The following PIP5K1C variants were observed in gnomAD, a reference collection of about 807,000 sequenced individuals.
PIP5K1C encodes phosphatidylinositol 4-phosphate 5-kinase type-1 gamma.
In PIP5K1C, 45 loss-of-function variants were observed where a neutral mutation model predicts 80.1. The ratio of observed to expected loss-of-function variants is 0.56; its 90% CI spans 0.44 to 0.72. PIP5K1C has a LOEUF of 0.72. Ranked by LOEUF, PIP5K1C falls within the 30% of genes least tolerant of loss-of-function variation. The pLI is 0.00. For missense variants in PIP5K1C, 753 were observed against 954.6 expected, an observed-to-expected ratio of 0.79 and a Z score of 2.78; for synonymous variants, 498 against 420.1, an observed-to-expected ratio of 1.19 and a Z score of -2.27.
At chr19:3,697,905 C>T (rs192463582) in intron 1 of PIP5K1C, among the ~76,000 whole-genome samples, 107 of 152,352 alleles carry the variant, frequency 7.0e-4, no homozygotes, top group African/African-American at 2.5e-3. Flanking sequence ...CCCATGGAGA[C>T]GCCATTCAGG....
Position 3,692,547 on chromosome 19 carries a change from A to G in PIP5K1C, c.94+7750T>C, listed in dbSNP as rs2035979977. Reference sequence around the variant, plus strand: ...CCTGCTGGCTCTGCTTCCAAAATCCATCCCAGATGGCGCACTGCTCATGGT... The same window carrying G: ...CCTGCTGGCTCTGCTTCCAAAATCCGTCCCAGATGGCGCACTGCTCATGGT... On this transcript the variant is annotated intron_variant, in intron 1 of 17. Coordinates refer to ENST00000335312, the MANE Select transcript of PIP5K1C (RefSeq NM_012398.3). The surrounding 1 kb of genome is among the most constrained non-coding windows in gnomAD (Gnocchi z 5.2). Among the ~76,000 whole-genome samples the G allele has an allele frequency of 5.9e-5, 9 of 151,970 alleles. No individual in the cohort carries two copies. Among genetic ancestry groups the G allele is most frequent in the Admixed American group, 5.2e-4 (8 of 15,270 alleles).
At chr19:3,647,961 A>G (rs2034298980) in intron 9 of PIP5K1C, among the ~76,000 whole-genome samples, 1 of 152,210 alleles carries the variant, frequency 6.6e-6, no homozygotes. Flanking sequence ...CAAACAAATG[A>G]AAAACCAAAA....
chr19:3,669,164 G>A (rs929388560), intron 1 of PIP5K1C, among the ~76,000 whole-genome samples: 1 of 152,224 alleles, frequency 6.6e-6, no homozygotes, highest in African/African-American at 2.4e-5. Context: ...GCAGCTGGGG[G>A]TGCTGGGGCA....
chr19:3,636,633 C>T (rs972613241), intron 16 of PIP5K1C: 41 of 985,592 alleles, frequency 4.2e-5, no homozygotes, highest in Admixed American at 6.1e-5. Context: ...GCTGGCTTCC[C>T]GCTGGCTCCG....
rs1007686817 is a variant in PIP5K1C at position 3,642,887 on chromosome 19, G to A, written c.1682+20C>T. On this transcript the variant is annotated intron_variant, in intron 14 of 17. Transcript: ENST00000335312. ...GGAGGAGCTGGTGAGACCCAGGGAAGGAAGGGGGTTGGGTCTCACCTGCCA... is the reference window on the plus strand; with the variant it reads ...GGAGGAGCTGGTGAGACCCAGGGAAAGAAGGGGGTTGGGTCTCACCTGCCA... The A allele has an allele frequency of 6.2e-7, 1 of 1,608,718 alleles. No individual in the cohort carries two copies. Among genetic ancestry groups the A allele is most frequent in the South Asian group, 1.1e-5 (1 of 90,972 alleles).
chr19:3,637,819 G>A lies in PIP5K1C; in HGVS notation c.1920+1065C>T. ...TCCCTTCTCTGCTGCCCACCTGGCA[G>A]GGCATCAGGACACAGACACACAGCA... On this transcript the variant is annotated intron_variant, in intron 16 of 17. Coordinates refer to ENST00000335312, the MANE Select transcript of PIP5K1C (RefSeq NM_012398.3). The surrounding 1 kb of genome is among the most constrained non-coding windows in gnomAD (Gnocchi z 7.0). 1 of 1,535,186 alleles carries A rather than the reference G, an allele frequency of 6.5e-7. No homozygotes were observed. Among genetic ancestry groups the A allele is most frequent in the Non-Finnish European group, 8.7e-7 (1 of 1,146,666 alleles).
At position 3,630,338 on chromosome 19, in the gene PIP5K1C, CCCT is replaced by C. The variant is rs1488679993; in HGVS notation, c.*2826_*2828del. 6.6e-6 allele frequency: 1 copy of C among 152,476 alleles called. No individual in the cohort carries two copies. Among genetic ancestry groups the C allele is most frequent in the Non-Finnish European group, 1.5e-5 (1 of 68,022 alleles). 9.4% of individuals were successfully genotyped at this position (152,476 alleles called of 1,614,324 possible). On this transcript the variant is annotated 3_prime_UTR_variant, in exon 18 of 18. Transcript: ENST00000335312. Reference sequence around the variant, plus strand: ...CACTCTGGGTTTGAGGGACACAGCACCCTCGTCTCGGCGCTTTGGATTGTCACG... The same window carrying C: ...CACTCTGGGTTTGAGGGACACAGCACCGTCTCGGCGCTTTGGATTGTCACG...
intron 15 of PIP5K1C, 123 bp from the exon 16 acceptor site, chr19:3,639,139 C>T (rs2033846688): frequency 4.2e-6 from 5 of 1,200,096 alleles, no homozygotes; most frequent in East Asian, 2.4e-5. Context: ...AGCCAGGCAG[C>T]TGACCACAGG....
chr19:3,699,484 C>A (rs1390894634), intron 1 of PIP5K1C, among the ~76,000 whole-genome samples: 2 of 152,182 alleles, frequency 1.3e-5, no homozygotes, highest in African/African-American at 2.4e-5. Flanking sequence ...AGGACGGATG[C>A]CCGTGTGGGT....
At position 3,633,011 on chromosome 19, in the gene PIP5K1C, C is replaced by A; in HGVS notation, c.*156G>T. On this transcript the variant is annotated 3_prime_UTR_variant, in exon 18 of 18. Transcript: ENST00000335312. ...CCCTGGGAGGCTTGTCGGGGAGGGG[C>A]CCGGCCGTCGGCATCCGTGCAGGGG... is the stretch of plus-strand genomic sequence containing the variant. 1.8e-6 allele frequency: 1 copy of A among 547,660 alleles called. No homozygotes were observed. Among genetic ancestry groups the A allele is most frequent in the Admixed American group, 3.1e-5 (1 of 32,434 alleles). The allele number at this position is 547,660 out of a possible 1,614,324, so 33.9% of individuals were successfully genotyped here. A position where few individuals can be genotyped will look rare whatever the true frequency, so the allele number is the denominator to read the frequency against.
intron 5 of PIP5K1C, among the ~76,000 whole-genome samples, chr19:3,660,129 CCAGCACTACGGGAGGCTGAGA>C (rs1317977356): frequency 6.6e-6 from 1 of 152,150 alleles, no homozygotes; most frequent in Non-Finnish European, 1.5e-5. Context: ...GCCTCTAATC[CCAGCACTACGGGAGGCTGAGA>C]CAGGCAGATC....
At chr19:3,678,019 AGAGACGGAG>A (rs2035434407) in intron 1 of PIP5K1C, among the ~76,000 whole-genome samples, 2 of 84,350 alleles carry the variant, frequency 2.4e-5, no homozygotes, top group South Asian at 4.1e-4. Flanking sequence ...GGAGGGATGG[AGAGACGGAG>A]GGATGGAGAA....
chr19:3,678,074 AGGAGAAT>A (rs1244507545), intron 1 of PIP5K1C, among the ~76,000 whole-genome samples: 14 of 81,940 alleles, frequency 1.7e-4, no homozygotes, highest in South Asian at 5.4e-4. Flanking sequence ...GAGAGATGGA[AGGAGAAT>A]GGAGGATGGA....
intron 3 of PIP5K1C, among the ~76,000 whole-genome samples, chr19:3,663,162 G>A (rs912391714): frequency 3.3e-5 from 5 of 152,108 alleles, no homozygotes; most frequent in African/African-American, 9.7e-5. Flanking sequence ...CTCCGCGCCC[G>A]GCCGGCTGCT....
chr19:3,678,614 G>A (rs561123043), intron 1 of PIP5K1C, among the ~76,000 whole-genome samples: 1 of 136,234 alleles, frequency 7.3e-6, no homozygotes, highest in African/African-American at 2.8e-5. Context: ...AGGGGTGGAA[G>A]GAGGGATGGA....
rs551349475 is a variant in PIP5K1C, at chr19:3,696,959, G to C, written c.94+3338C>G. Among the ~76,000 whole-genome samples, 1 of 152,168 alleles carries C rather than the reference G, an allele frequency of 6.6e-6. No homozygotes were observed. Among genetic ancestry groups the C allele is most frequent in the Non-Finnish European group, 1.5e-5 (1 of 68,018 alleles). On this transcript the variant is annotated intron_variant, in intron 1 of 17. Transcript: ENST00000335312. This position sits in a 1 kb window ranked among gnomAD's most constrained non-coding sequence, Gnocchi z 4.1. ...GCCAGGCCTGGCTCAGGGGGCAAAG[G>C]AGGACTGAGCTGGACCGAGGAGGAC...
In PIP5K1C at chr19:3,633,427, C is replaced by A; in HGVS notation, c.2004+10G>T. The A allele has an allele frequency of 6.8e-7, 1 of 1,479,038 alleles. No homozygotes were observed. The highest frequency in any genetic ancestry group is 2.1e-4 in the Middle Eastern group (1 of 4,850). 91.6% of individuals were successfully genotyped at this position (1,479,038 alleles called of 1,614,324 possible). ...CACGGGACCGGCGGGTGCACCTGGGCTGCACTTACTGTGTCGCTCTCGCCG... is the reference window on the plus strand; with the variant it reads ...CACGGGACCGGCGGGTGCACCTGGGATGCACTTACTGTGTCGCTCTCGCCG... On this transcript the variant is annotated intron_variant, in intron 17 of 17. Transcript: ENST00000335312.
rs764142648 is a variant in PIP5K1C, at chr19:3,661,859, G to A, written c.350+12C>T. ...GCTGGGTGAGCCCTGAGGCTCCGGG[G>A]GCCCGGCCCACCTGGGGAAGAAGAT... On this transcript the variant is annotated intron_variant, in intron 4 of 17. Coordinates refer to ENST00000335312, the MANE Select transcript of PIP5K1C (RefSeq NM_012398.3). The A allele has an allele frequency of 2.5e-6, 4 of 1,610,744 alleles. No individual in the cohort carries two copies. Among genetic ancestry groups the A allele is most frequent in the East Asian group, 2.2e-5 (1 of 44,876 alleles).
At chr19:3,685,472 T>G (rs1193541694) in intron 1 of PIP5K1C, among the ~76,000 whole-genome samples, 2 of 152,272 alleles carry the variant, frequency 1.3e-5, no homozygotes, top group South Asian at 2.1e-4. Flanking sequence ...GGCTCATGCC[T>G]GTAATCCCAG....
Sources: allele counts gnomAD v4.1 joint callset (sites outside exome capture counted in the v4.1 genomes callset), GRCh38; gene constraint gnomAD v4.1.1; non-coding constraint Gnocchi (gnomAD v3.1); transcripts MANE v1.5; gene names NCBI Gene and HGNC (gene_info 2026-07-23, HGNC 2026-07-21).